Variants in UBE3D observed in about 807,000 individuals in gnomAD.
UBE3D encodes E3 ubiquitin-protein ligase E3D.
In UBE3D, 48 loss-of-function variants were observed where a neutral mutation model predicts 49.6. That is an observed-to-expected ratio of 0.97 (90% CI 0.77 to 1.23). The LOEUF (loss-of-function observed/expected upper bound fraction) is 1.23, where lower values mean the gene tolerates loss of function less well. Ranked by LOEUF, UBE3D falls within the 50% of genes most tolerant of loss-of-function variation. The pLI, the probability that UBE3D is intolerant of heterozygous loss-of-function variation, is 0.00. For synonymous variants in UBE3D, 189 were observed against 174.2 expected (o/e 1.08, Z -0.67); for missense variants, 452 against 468.4 (o/e 0.96, Z 0.32).
In UBE3D at chr6:83,053,119, GA is replaced by G. The variant is rs749097189; in HGVS notation, c.365+1028del. Among the ~76,000 whole-genome samples the G allele has an allele frequency of 5.3e-5, 8 of 149,664 alleles. No homozygotes were observed. In the South Asian group the frequency reaches 6.5e-4, roughly 12 times the overall value. On this transcript the variant is annotated intron_variant, in intron 3 of 9. Transcript: ENST00000369747. Reference sequence around the variant, plus strand: ...ATACGTAAACTTTCTTAAGACATGAGATTTTTTTGGCAATTTTTTAAAAACT... The same window carrying G: ...ATACGTAAACTTTCTTAAGACATGAGTTTTTTTGGCAATTTTTTAAAAACT...
intron 5 of UBE3D, among the ~76,000 whole-genome samples, chr6:83,029,714 T>C (rs1039594284): frequency 2.5e-4 from 38 of 152,242 alleles, no homozygotes; most frequent in African/African-American, 8.7e-4. Context: ...GTGTTGCTCT[T>C]CTGAAGGTTG....
intron 8 of UBE3D, among the ~76,000 whole-genome samples, chr6:82,971,932 A>G (rs1427633206): frequency 6.6e-6 from 1 of 152,162 alleles, no homozygotes; most frequent in African/African-American, 2.4e-5. Context: ...GATGTCCTAG[A>G]CCTGGTATAA....
intron 9 of UBE3D, among the ~76,000 whole-genome samples, chr6:82,902,826 A>G (rs1771835743): frequency 6.6e-6 from 1 of 152,196 alleles, no homozygotes; most frequent in African/African-American, 2.4e-5. Context: ...GTTTTTGTGC[A>G]GTGAAGAAAT....
chr6:83,060,416 G>A (rs1466789569), intron 1 of UBE3D, among the ~76,000 whole-genome samples: 1 of 152,230 alleles, frequency 6.6e-6, no homozygotes. Context: ...ATACCTGTGT[G>A]AAGTCATGGT....
intron 9 of UBE3D, among the ~76,000 whole-genome samples, chr6:82,904,402 C>T (rs1200056854): frequency 3.3e-5 from 5 of 152,170 alleles, no homozygotes; most frequent in Admixed American, 2.0e-4. Context: ...GCAGTTTGTA[C>T]ACTGCTAGAG....
At chr6:83,017,613 G>C (rs958371961) in intron 8 of UBE3D, 1 of 152,062 alleles carries the variant, frequency 6.6e-6, no homozygotes, top group African/African-American at 2.4e-5. Flanking sequence ...AATCTAAATG[G>C]AAATTTGGGT....
downstream of UBE3D, among the ~76,000 whole-genome samples, chr6:82,887,389 GTTTTTTTTTT>G (rs752438556): frequency 1.0e-5 from 1 of 98,368 alleles, no homozygotes; most frequent in Admixed American, 1.1e-4. Context: ...GACAGTAACA[GTTTTTTTTTT>G]TTTTTTTTTT....
At chr6:82,911,912 A>G (rs914304699) in intron 9 of UBE3D, among the ~76,000 whole-genome samples, 1 of 152,196 alleles carries the variant, frequency 6.6e-6, no homozygotes, top group African/African-American at 2.4e-5. Flanking sequence ...AGCTGCTCCA[A>G]TTAATGCTGT....
chr6:82,917,068 T>C (rs1372163865), intron 9 of UBE3D, among the ~76,000 whole-genome samples: 1 of 152,264 alleles, frequency 6.6e-6, no homozygotes, highest in Admixed American at 6.5e-5. Flanking sequence ...TTTATCCTCC[T>C]TTTCTAAAGA....
chr6:82,898,677 G>A (rs1041388859), intron 9 of UBE3D, among the ~76,000 whole-genome samples: 23 of 152,074 alleles, frequency 1.5e-4, no homozygotes, highest in Non-Finnish European at 5.9e-5. Context: ...GGGTCTGTTG[G>A]GGGGTAGGGG....
chr6:83,028,910 T>A lies in UBE3D; in HGVS notation c.668-4872A>T, dbSNP rs564182101. 3.7e-3 allele frequency among the ~76,000 whole-genome samples: 559 copies of A among 152,290 alleles called. 3 individuals are homozygous for A. The highest frequency in any genetic ancestry group is 0.013 in the African/African-American group (527 of 41,562). Reference sequence around the variant, plus strand: ...AGTACTGTTGGTTGTCACATCTTTTTCCCCCCAGCACTTCACATATCTTAT... The same window carrying A: ...AGTACTGTTGGTTGTCACATCTTTTACCCCCCAGCACTTCACATATCTTAT... On this transcript the variant is annotated intron_variant, in intron 5 of 9. Transcript: ENST00000369747.
chr6:82,984,979 T>C (rs1336634720), intron 8 of UBE3D, among the ~76,000 whole-genome samples: 1 of 150,682 alleles, frequency 6.6e-6, no homozygotes, highest in East Asian at 2.0e-4. Context: ...TCTGACTGTT[T>C]TTAAATTTTT....
intron 9 of UBE3D, among the ~76,000 whole-genome samples, chr6:82,902,391 G>A (rs1192303468): frequency 6.6e-6 from 1 of 152,126 alleles, no homozygotes; most frequent in Admixed American, 6.5e-5. Flanking sequence ...AGTCAGCCCA[G>A]GTGACTGGCT....
intron 6 of UBE3D, among the ~76,000 whole-genome samples, chr6:83,023,337 A>T (rs1412463824): frequency 1.3e-5 from 2 of 152,246 alleles, no homozygotes; most frequent in Non-Finnish European, 2.9e-5. Flanking sequence ...AAGATTTATA[A>T]GAGCACATTT....
intron 9 of UBE3D, among the ~76,000 whole-genome samples, chr6:82,906,417 C>T (rs1034271390): frequency 2.0e-5 from 3 of 152,188 alleles, no homozygotes; most frequent in Admixed American, 6.5e-5. Context: ...CTCACTGATA[C>T]TCAAACCTGC....
intron 8 of UBE3D, among the ~76,000 whole-genome samples, chr6:82,959,255 G>T (rs1776378369): frequency 1.3e-5 from 2 of 149,478 alleles, no homozygotes; most frequent in Non-Finnish European, 1.5e-5. Flanking sequence ...CTCAAAATCT[G>T]TAGAGCATAA....
At chr6:82,999,274 G>T (rs1369013596) in intron 8 of UBE3D, among the ~76,000 whole-genome samples, 3 of 152,124 alleles carry the variant, frequency 2.0e-5, no homozygotes, top group Non-Finnish European at 2.9e-5. Context: ...AGGCTGGTCG[G>T]TCCACCAGAG....
intron 3 of UBE3D, among the ~76,000 whole-genome samples, chr6:83,046,714 C>T (rs1341555798): frequency 2.0e-5 from 3 of 149,108 alleles, no homozygotes; most frequent in Admixed American, 6.8e-5. Context: ...GTACAGATCC[C>T]TTTGAATATT....
chr6:82,991,790 T>A (rs948928389), intron 8 of UBE3D, among the ~76,000 whole-genome samples: 11 of 152,204 alleles, frequency 7.2e-5, no homozygotes, highest in African/African-American at 2.4e-4. Flanking sequence ...GACCATTTCC[T>A]GAATTCCCAA....
Sources: allele counts gnomAD v4.1 joint callset (sites outside exome capture counted in the v4.1 genomes callset), GRCh38; gene constraint gnomAD v4.1.1; transcripts MANE v1.5; gene names NCBI Gene and HGNC (gene_info 2026-07-23, HGNC 2026-07-21).